Variants in SCHIP1 observed in about 807,000 individuals in gnomAD.
SCHIP1 encodes the protein schwannomin interacting protein 1.
A neutral mutation model predicts 29.7 loss-of-function variants in SCHIP1; 8 were observed. The ratio of observed to expected loss-of-function variants is 0.27; its 90% CI spans 0.16 to 0.49. The LOEUF (loss-of-function observed/expected upper bound fraction) is 0.49. Among genes scored for constraint, SCHIP1 ranks in the 20% least tolerant of loss-of-function variants. SCHIP1 has a pLI of 0.99. For missense variants in SCHIP1, 193 were observed against 294.6 expected, an observed-to-expected ratio of 0.66 and a Z score of 2.52; for synonymous variants, 76 against 94.9, an observed-to-expected ratio of 0.80 and a Z score of 1.16.
At chr3:159,322,776 G>A in the SCHIP1 span, among the ~76,000 whole-genome samples, 1 of 152,204 alleles carries the variant, frequency 6.6e-6, no homozygotes, top group Non-Finnish European at 1.5e-5. Context: ...TACTAATTGG[G>A]ATGCGGGGTG....
At chr3:159,769,604 G>A in the SCHIP1 span, among the ~76,000 whole-genome samples, 2 of 152,062 alleles carry the variant, frequency 1.3e-5, no homozygotes, top group African/African-American at 2.4e-5. Flanking sequence ...ACAAAAATTA[G>A]CCGGGCATGG....
At chr3:159,866,257 G>A in exon 2 of SCHIP1, 2 of 1,613,676 alleles carry the variant, frequency 1.2e-6, no homozygotes, top group Non-Finnish European at 1.7e-6. Context: ...TGTAGCAAAA[G>A]TGGGAAGCCA....
the SCHIP1 span, among the ~76,000 whole-genome samples, chr3:159,323,586 C>T: frequency 6.6e-6 from 1 of 152,218 alleles, no homozygotes; most frequent in African/African-American, 2.4e-5. Context: ...TTTGAGTTGT[C>T]TTCAGTCTTT....
At chr3:159,737,674 G>T in the SCHIP1 span, among the ~76,000 whole-genome samples, 4 of 152,198 alleles carry the variant, frequency 2.6e-5, no homozygotes, top group African/African-American at 9.7e-5. Context: ...TCTCACAAGT[G>T]ATAAAGAAAA....
the SCHIP1 span, among the ~76,000 whole-genome samples, chr3:159,500,407 T>C: frequency 6.6e-6 from 1 of 152,140 alleles, no homozygotes; most frequent in Non-Finnish European, 1.5e-5. Flanking sequence ...TATTATTTCA[T>C]GCCCTTAAAA....
At chr3:159,725,733 C>G in the SCHIP1 span, among the ~76,000 whole-genome samples, 1 of 152,220 alleles carries the variant, frequency 6.6e-6, no homozygotes, top group Admixed American at 6.5e-5. Context: ...GCAATGACAG[C>G]TCCATCCAGG....
chr3:159,472,401 A>G, the SCHIP1 span, among the ~76,000 whole-genome samples: 1 of 152,148 alleles, frequency 6.6e-6, no homozygotes, highest in Non-Finnish European at 1.5e-5. Context: ...TCAATTAGGA[A>G]TTTGAGCTAC....
the SCHIP1 span, among the ~76,000 whole-genome samples, chr3:159,641,440 A>C: frequency 6.6e-6 from 1 of 152,318 alleles, no homozygotes; most frequent in African/African-American, 2.4e-5. Context: ...TTCCAAAGTT[A>C]ATACAGTTAT....
the SCHIP1 span, among the ~76,000 whole-genome samples, chr3:159,426,275 A>T: frequency 2.6e-5 from 4 of 152,278 alleles, no homozygotes; most frequent in South Asian, 2.1e-4. Flanking sequence ...AACAAAATAG[A>T]TAGACCAGTA....
the SCHIP1 span, among the ~76,000 whole-genome samples, chr3:159,321,114 G>A: frequency 6.6e-6 from 1 of 152,144 alleles, no homozygotes; most frequent in Admixed American, 6.5e-5. Flanking sequence ...ATAGGCACCT[G>A]CCACCACGCC....
chr3:159,802,601 TG>T, the SCHIP1 span, among the ~76,000 whole-genome samples: 2 of 152,294 alleles, frequency 1.3e-5, no homozygotes, highest in East Asian at 3.9e-4. Context: ...TGTTATACTG[TG>T]GGTGGAATTC....
chr3:159,856,459 TC>T (rs977429333), intron 1 of SCHIP1, among the ~76,000 whole-genome samples: 2 of 152,102 alleles, frequency 1.3e-5, no homozygotes, highest in Admixed American at 6.5e-5. Context: ...ATGTGTACAT[TC>T]TTGGGGCAGG....
At chr3:159,715,609 A>G in the SCHIP1 span, among the ~76,000 whole-genome samples, 1 of 152,242 alleles carries the variant, frequency 6.6e-6, no homozygotes, top group East Asian at 1.9e-4. Flanking sequence ...ATGCATGCAC[A>G]AGCTTCAGTA....
At chr3:159,279,500 G>T in the SCHIP1 span, among the ~76,000 whole-genome samples, 1 of 152,132 alleles carries the variant, frequency 6.6e-6, no homozygotes, top group South Asian at 2.1e-4. Flanking sequence ...AGGTTACATA[G>T]AAATAAGAAA....
At chr3:159,290,224 T>C in the SCHIP1 span, among the ~76,000 whole-genome samples, 1 of 152,208 alleles carries the variant, frequency 6.6e-6, no homozygotes, top group Admixed American at 6.5e-5. Flanking sequence ...CAAAGTGATC[T>C]TTGGGATGTA....
chr3:159,609,608 G>A, the SCHIP1 span, among the ~76,000 whole-genome samples: 1 of 151,962 alleles, frequency 6.6e-6, no homozygotes, highest in African/African-American at 2.4e-5. Context: ...TTCAGAATGT[G>A]CCCCCTAAAG....
At chr3:159,637,371 CCACACACACACACACACACA>C in the SCHIP1 span, among the ~76,000 whole-genome samples, 57 of 134,660 alleles carry the variant, frequency 4.2e-4, 1 homozygote, top group Admixed American at 2.8e-3. Flanking sequence ...CCGGCCCCAG[CCACACACACACACACACACA>C]CACACACACA....
the SCHIP1 span, among the ~76,000 whole-genome samples, chr3:159,701,957 T>C: frequency 1.3e-5 from 2 of 152,126 alleles, no homozygotes; most frequent in Admixed American, 6.5e-5. Context: ...TTGGTCTCAA[T>C]TTACTCATCT....
chr3:159,725,619 C>T, the SCHIP1 span, among the ~76,000 whole-genome samples: 4 of 152,168 alleles, frequency 2.6e-5, no homozygotes, highest in African/African-American at 7.2e-5. Flanking sequence ...TCTGCCCACT[C>T]TCCCAGTGGA....
Sources: gnomAD v4.1 joint callset for allele counts (sites outside exome capture counted in the v4.1 genomes callset) on GRCh38, gnomAD v4.1.1 for gene constraint, MANE v1.5 for transcripts, NCBI Gene and HGNC (gene_info 2026-07-23, HGNC 2026-07-21) for gene names.